Variants in PCDHA5 observed in about 807,000 individuals in gnomAD.
PCDHA5 encodes protocadherin alpha 5, also known as protocadherin alpha-5.
In PCDHA5, 43 loss-of-function variants were observed where a neutral mutation model predicts 61.6. That is an observed-to-expected ratio of 0.70 (90% CI 0.55 to 0.90). The LOEUF (loss-of-function observed/expected upper bound fraction) is 0.90, where lower values mean the gene tolerates loss of function less well. Ranked by LOEUF, PCDHA5 falls within the 40% of genes least tolerant of loss-of-function variation. PCDHA5 has a pLI of 0.00. For missense variants in PCDHA5, 1,298 were observed against 1,222.7 expected (o/e 1.06, Z -0.92); for synonymous variants, 627 against 543.9 (o/e 1.15, Z -2.13).
At chr5:140,972,096 A>G (rs2096519185) in intron 1 of PCDHA5, among the ~76,000 whole-genome samples, 1 of 152,168 alleles carries the variant, frequency 6.6e-6, no homozygotes. Context: ...AATTTCTGGC[A>G]TAGAAGCAGG....
At chr5:140,868,202 A>C (rs1401388364) in intron 1 of PCDHA5, 1 of 152,188 alleles carries the variant, frequency 6.6e-6, no homozygotes, top group Non-Finnish European at 1.5e-5. Flanking sequence ...GGCTTACATT[A>C]GAAATAATAT....
rs373518493 is a variant in PCDHA5, at chr5:140,883,950, A to T, written c.2352+59823A>T. 129 of 1,613,288 alleles carry T rather than the reference A, an allele frequency of 8.0e-5. 1 individual carries two copies. In the East Asian group the frequency reaches 1.2e-3, roughly 15 times the overall value. Reference sequence around the variant, plus strand: ...GTGTTCGTGCTGGACGAGAACGACAACGCTCCGGCGCTGCTGACGCCCGGG... The same window carrying T: ...GTGTTCGTGCTGGACGAGAACGACATCGCTCCGGCGCTGCTGACGCCCGGG... On this transcript the variant is annotated intron_variant, in intron 1 of 3. Coordinates refer to ENST00000529859, the MANE Select transcript of PCDHA5 (RefSeq NM_018908.3).
chr5:140,852,042 T>C, intron 1 of PCDHA5: 1 of 921,096 alleles, frequency 1.1e-6, no homozygotes, highest in African/African-American at 1.8e-5. Context: ...GAGTTTTTGT[T>C]ATGTGGTTTA....
intron 1 of PCDHA5, chr5:140,843,459 T>C (rs2150360511): frequency 2.5e-6 from 4 of 1,596,020 alleles, no homozygotes; most frequent in Non-Finnish European, 3.4e-6. Context: ...CTGCTGGTGC[T>C]CACGCTGCTG....
rs1554217734 is a variant in PCDHA5, at chr5:140,946,611, AATATATAT to A, written c.2353-32324_2353-32317del. Among the ~76,000 whole-genome samples, 24 of 86,806 alleles carry A rather than the reference AATATATAT, an allele frequency of 2.8e-4. 1 individual carries two copies. Among genetic ancestry groups the A allele is most frequent in the African/African-American group, 1.5e-3 (23 of 15,698 alleles). 56.9% of individuals were successfully genotyped at this position (86,806 alleles called of 152,430 possible). On this transcript the variant is annotated intron_variant, in intron 1 of 3. Coordinates refer to ENST00000529859, the MANE Select transcript of PCDHA5 (RefSeq NM_018908.3). ...GGATGAATAGATAAAGAAAATGTGA[AATATATAT>A]ATATATATATATACAATGGAATACT... is the stretch of plus-strand genomic sequence containing the variant.
chr5:140,942,280 C>T (rs1157451404), intron 1 of PCDHA5, among the ~76,000 whole-genome samples: 6 of 152,030 alleles, frequency 3.9e-5, no homozygotes, highest in African/African-American at 1.5e-4. Context: ...AATGGTGGCT[C>T]ATGCCTGTAA....
chr5:140,873,240 A>G (rs1008708021), intron 1 of PCDHA5, among the ~76,000 whole-genome samples: 10 of 152,226 alleles, frequency 6.6e-5, no homozygotes, highest in African/African-American at 2.4e-4. Context: ...ATAAAAATAT[A>G]AAATATTTCA....
intron 1 of PCDHA5, among the ~76,000 whole-genome samples, chr5:140,975,967 A>C (rs2096692306): frequency 6.6e-6 from 1 of 152,176 alleles, no homozygotes; most frequent in African/African-American, 2.4e-5. Context: ...TCACCAATAG[A>C]AAGTAAGCAT....
chr5:140,968,866 A>G, intron 1 of PCDHA5: 1 of 1,614,230 alleles, frequency 6.2e-7, no homozygotes, highest in Non-Finnish European at 8.5e-7. Flanking sequence ...GCCCTCGGAC[A>G]TACTCTGAAA....
At chr5:140,882,750 A>C (rs781948584) in intron 1 of PCDHA5, 3 of 1,614,128 alleles carry the variant, frequency 1.9e-6, no homozygotes, top group Non-Finnish European at 2.5e-6. Flanking sequence ...TCCGATGCAG[A>C]TATTGGAGTA....
intron 1 of PCDHA5, chr5:140,967,806 G>A (rs1406839046): frequency 8.1e-6 from 13 of 1,614,180 alleles, no homozygotes; most frequent in Non-Finnish European, 1.1e-5. Flanking sequence ...CCCATGGCAG[G>A]TCACTGCAAG....
chr5:140,883,817 G>A, intron 1 of PCDHA5: 1 of 1,612,636 alleles, frequency 6.2e-7, no homozygotes, highest in Non-Finnish European at 8.5e-7. Context: ...GAGCGGCAAG[G>A]TGTACGCGCT....
chr5:141,000,782 C>T (rs149032263), intron 3 of PCDHA5, among the ~76,000 whole-genome samples: 174 of 152,002 alleles, frequency 1.1e-3, no homozygotes, highest in African/African-American at 3.9e-3. Flanking sequence ...TGGCGCACAC[C>T]TGTATTCCTA....
rs576274101 is a variant in PCDHA5 at position 140,846,411 on chromosome 5, A to C, written c.2352+22284A>C. On this transcript the variant is annotated intron_variant, in intron 1 of 3. Transcript: ENST00000529859. ...TTTTTTTGAGACGGAGTCTCGCTCTATCTCCCAGGCTGGAATGCAGTGGCG... is the reference window on the plus strand; with the variant it reads ...TTTTTTTGAGACGGAGTCTCGCTCTCTCTCCCAGGCTGGAATGCAGTGGCG... Among the ~76,000 whole-genome samples the C allele has an allele frequency of 2.7e-5, 3 of 109,350 alleles. 1 individual carries two copies. The South Asian group carries it at 8.0e-4, about 29-fold the overall frequency. The allele number at this position is 109,350 out of a possible 152,430, so 71.7% of individuals were successfully genotyped here.
chr5:140,971,067 G>A (rs1270982335), intron 1 of PCDHA5, among the ~76,000 whole-genome samples: 1 of 152,204 alleles, frequency 6.6e-6, no homozygotes, highest in Non-Finnish European at 1.5e-5. Flanking sequence ...TAAGGTTGCT[G>A]TAGACATTTG....
At chr5:140,938,278 G>A (rs1394435028) in intron 1 of PCDHA5, among the ~76,000 whole-genome samples, 1 of 152,090 alleles carries the variant, frequency 6.6e-6, no homozygotes, top group African/African-American at 2.4e-5. Context: ...TAGTTTTCTT[G>A]CTTTCTGTCA....
chr5:140,965,794 C>T (rs1554227851), intron 1 of PCDHA5, among the ~76,000 whole-genome samples: 1 of 152,170 alleles, frequency 6.6e-6, no homozygotes, highest in Non-Finnish European at 1.5e-5. Flanking sequence ...TTCATGGAGA[C>T]TATTTTTTTA....
At chr5:140,858,549 G>C in intron 1 of PCDHA5, 1 of 1,394,430 alleles carries the variant, frequency 7.2e-7, no homozygotes, top group South Asian at 1.2e-5. Context: ...TTCCATTTAT[G>C]CTTGAATATT....
At chr5:140,969,847 A>G (rs2096364168) in intron 1 of PCDHA5, among the ~76,000 whole-genome samples, 1 of 152,150 alleles carries the variant, frequency 6.6e-6, no homozygotes. Flanking sequence ...TATCTAGTTA[A>G]TATTTCTGGT....
Sources: allele counts gnomAD v4.1 joint callset (sites outside exome capture counted in the v4.1 genomes callset), GRCh38; gene constraint gnomAD v4.1.1; transcripts MANE v1.5; gene names NCBI Gene and HGNC (gene_info 2026-07-23, HGNC 2026-07-21).